ZBTB20: variants seen among roughly 807,000 people sequenced by gnomAD.
ZBTB20 encodes zinc finger and BTB domain-containing protein 20.
A neutral mutation model predicts 56.9 loss-of-function variants in ZBTB20; 9 were observed. That is an observed-to-expected ratio of 0.16 (90% CI 0.10 to 0.28). The LOEUF (loss-of-function observed/expected upper bound fraction) is 0.28, where lower values mean the gene tolerates loss of function less well. ZBTB20 is among the 10% of genes least tolerant of loss of function. ZBTB20 has a pLI of 1.00. For synonymous variants in ZBTB20, 417 were observed against 420.7 expected (o/e 0.99, Z 0.11); for missense variants, 655 against 1,003.0 (o/e 0.65, Z 4.69).
intron 6 of ZBTB20, among the ~76,000 whole-genome samples, chr3:114,625,481 CA>C (rs1375644625): frequency 2.6e-5 from 4 of 152,048 alleles, no homozygotes; most frequent in Non-Finnish European, 5.9e-5. Context: ...AGTTAAATAG[CA>C]AGAAAAGCCT....
intron 11 of ZBTB20, among the ~76,000 whole-genome samples, chr3:114,344,527 T>G (rs998099826): frequency 5.3e-5 from 8 of 152,240 alleles, no homozygotes; most frequent in Non-Finnish European, 7.3e-5. Context: ...GCATTCATAA[T>G]TAAGTGTTTT....
chr3:114,489,022 T>G (rs1214150826), intron 7 of ZBTB20, among the ~76,000 whole-genome samples: 6 of 152,138 alleles, frequency 3.9e-5, no homozygotes, highest in Non-Finnish European at 2.9e-5. Flanking sequence ...AAGAGAAAGA[T>G]AAACAGGACT....
chr3:114,897,168 A>G (rs1425451267), intron 4 of ZBTB20, among the ~76,000 whole-genome samples: 1 of 152,180 alleles, frequency 6.6e-6, no homozygotes, highest in Non-Finnish European at 1.5e-5. Flanking sequence ...ATGAGTAAAC[A>G]AGGGAACAGA....
At chr3:115,055,187 A>ATCTATCTCTCTCTC in intron 2 of ZBTB20, among the ~76,000 whole-genome samples, 1 of 103,184 alleles carries the variant, frequency 9.7e-6, no homozygotes, top group South Asian at 3.6e-4. Flanking sequence ...CCTCCTGGTA[A>ATCTATCTCTCTCTC]TCTCTCTCTC....
At chr3:114,474,242 T>C (rs1389883396) in intron 7 of ZBTB20, among the ~76,000 whole-genome samples, 2 of 152,216 alleles carry the variant, frequency 1.3e-5, no homozygotes, top group Admixed American at 6.5e-5. Context: ...CACAGGAATA[T>C]GTTACAAGTG....
rs370563224 is a variant in ZBTB20 at position 114,809,985 on chromosome 3, T to G, written c.-416-8811A>C. ...CATTTTCGTTTTTGAGCTGGGACTT[T>G]CCCCTGTGTTAACACAGTTTAGTGG... On this transcript the variant is annotated intron_variant, in intron 4 of 11. Coordinates refer to ENST00000675478, the MANE Select transcript of ZBTB20 (RefSeq NM_001348800.3). Among the ~76,000 whole-genome samples the G allele has an allele frequency of 7.2e-5, 11 of 152,320 alleles. No homozygotes were observed. The South Asian group carries it at 2.1e-3, about 29-fold the overall frequency.
At chr3:114,753,026 T>C (rs2108656793) in intron 5 of ZBTB20, among the ~76,000 whole-genome samples, 1 of 152,158 alleles carries the variant, frequency 6.6e-6, no homozygotes, top group South Asian at 2.1e-4. Context: ...CCTTACATTA[T>C]GTGCAGGTCC....
chr3:114,735,765 C>T (rs951329110), intron 5 of ZBTB20, among the ~76,000 whole-genome samples: 1 of 151,934 alleles, frequency 6.6e-6, no homozygotes, highest in Admixed American at 6.6e-5. Flanking sequence ...ATTTTTCAAT[C>T]AAAATATATT....
chr3:115,007,470 A>T lies in ZBTB20; in HGVS notation c.-506-33054T>A, dbSNP rs375123665. On this transcript the variant is annotated intron_variant, in intron 2 of 11. Coordinates refer to ENST00000675478, the MANE Select transcript of ZBTB20 (RefSeq NM_001348800.3). ...ACTCATAATAAGCTGTTCAATGAAT[A>T]CTTATTTAACAATCGCTCTGTGTTC... Among the ~76,000 whole-genome samples the T allele has an allele frequency of 1.0e-3, 158 of 151,964 alleles. 1 individual carries two copies. Among genetic ancestry groups the T allele is most frequent in the Non-Finnish European group, 1.4e-3 (94 of 67,874 alleles).
intron 4 of ZBTB20, 131 bp from the exon 5 acceptor site, chr3:114,801,305 C>CTTTTTTTTTTTTTTT (rs1271102943): frequency 1.8e-5 from 1 of 55,328 alleles, no homozygotes; most frequent in Non-Finnish European, 3.7e-5. Context: ...TTCTTTTTTT[C>CTTTTTTTTTTTTTTT]TTTTTTTTTT....
In ZBTB20 at chr3:114,330,383, T is replaced by C. The variant is rs937400082; in HGVS notation, c.*8622A>G. 2.0e-5 allele frequency: 3 copies of C among 152,232 alleles called. No individual in the cohort carries two copies. Among genetic ancestry groups the C allele is most frequent in the Non-Finnish European group, 1.5e-5 (1 of 68,040 alleles). The allele number at this position is 152,232 out of a possible 1,614,324, so 9.4% of individuals were successfully genotyped here. On this transcript the variant is annotated 3_prime_UTR_variant, in exon 12 of 12. Transcript: ENST00000675478. ...AAAAGTTAAAATGAATATAATGTAA[T>C]ATATATTTCAATATAGAGTTGTTAT...
At chr3:114,924,553 T>C (rs1357851514) in intron 3 of ZBTB20, among the ~76,000 whole-genome samples, 1 of 152,222 alleles carries the variant, frequency 6.6e-6, no homozygotes, top group East Asian at 1.9e-4. Flanking sequence ...TGCCAGGGGA[T>C]GGTGGTGGAG....
chr3:114,999,612 C>G (rs2079167019), intron 2 of ZBTB20, among the ~76,000 whole-genome samples: 1 of 151,388 alleles, frequency 6.6e-6, no homozygotes, highest in African/African-American at 2.4e-5. Context: ...ATTTTCTTGG[C>G]CCAAGAACTG....
At chr3:114,683,849 A>T (rs1004454440) in intron 6 of ZBTB20, among the ~76,000 whole-genome samples, 1 of 152,026 alleles carries the variant, frequency 6.6e-6, no homozygotes, top group African/African-American at 2.4e-5. Flanking sequence ...CCATGACAGC[A>T]CTGCCTGACA....
At chr3:114,980,203 TTAAA>T (rs932497492) in intron 2 of ZBTB20, among the ~76,000 whole-genome samples, 18 of 152,138 alleles carry the variant, frequency 1.2e-4, no homozygotes, top group African/African-American at 4.1e-4. Flanking sequence ...GCAGAATGCC[TTAAA>T]TAAATTCTTA....
intron 3 of ZBTB20, among the ~76,000 whole-genome samples, chr3:114,928,048 G>GGTCCCTTCACCTGTCCCTTCACCT (rs1462921609): frequency 2.0e-5 from 3 of 152,222 alleles, no homozygotes; most frequent in Admixed American, 6.5e-5. Flanking sequence ...ACTTTGGACA[G>GGTCCCTTCACCTGTCCCTTCACCT]GTCCCTTCAC....
chr3:114,878,196 G>C (rs982287474), intron 4 of ZBTB20, among the ~76,000 whole-genome samples: 1 of 151,350 alleles, frequency 6.6e-6, no homozygotes, highest in South Asian at 2.1e-4. Context: ...TTTTTGTTTC[G>C]TGTCTCATTC....
intron 6 of ZBTB20, among the ~76,000 whole-genome samples, chr3:114,657,908 C>A (rs557845969): frequency 6.6e-6 from 1 of 152,134 alleles, no homozygotes; most frequent in East Asian, 1.9e-4. Context: ...CAAGTTACTC[C>A]TTTATTACCA....
intron 5 of ZBTB20, among the ~76,000 whole-genome samples, 151 bp downstream of exon 5, chr3:114,800,950 T>G (rs1419578062): frequency 6.6e-6 from 1 of 151,740 alleles, no homozygotes; most frequent in South Asian, 2.1e-4. Flanking sequence ...CCAACAACTT[T>G]TTTTTTTTAA....
Sources: allele counts gnomAD v4.1 joint callset (sites outside exome capture counted in the v4.1 genomes callset), GRCh38; gene constraint gnomAD v4.1.1; transcripts MANE v1.5; gene names NCBI Gene and HGNC (gene_info 2026-07-23, HGNC 2026-07-21).